PANK1: variants seen among roughly 807,000 people sequenced by gnomAD.
PANK1 encodes pantothenate kinase 1.
A neutral mutation model predicts 40.1 loss-of-function variants in PANK1; 18 were observed. The observed-to-expected ratio is 0.45, with a 90% confidence interval of 0.31 to 0.67. The LOEUF (loss-of-function observed/expected upper bound fraction) is 0.67, where lower values mean the gene tolerates loss of function less well. Among genes scored for constraint, PANK1 ranks in the 30% least tolerant of loss-of-function variants. The pLI is 0.06. For synonymous variants in PANK1, 242 were observed against 237.7 expected, an observed-to-expected ratio of 1.02 and a Z score of -0.17; for missense variants, 457 against 599.6, an observed-to-expected ratio of 0.76 and a Z score of 2.48.
intron 1 of PANK1, among the ~76,000 whole-genome samples, chr10:89,627,410 G>A (rs1336813332): frequency 4.6e-5 from 7 of 152,106 alleles, no homozygotes; most frequent in South Asian, 2.1e-4. Context: ...CAAATACTAC[G>A]CCATTTTATA....
intron 1 of PANK1, chr10:89,644,013 G>T: frequency 2.4e-6 from 1 of 423,896 alleles, no homozygotes; most frequent in Non-Finnish European, 3.9e-6. Flanking sequence ...ATCAGTGGGT[G>T]TGTCCCTCCC....
intron 1 of PANK1, among the ~76,000 whole-genome samples, chr10:89,633,296 A>G (rs1356049976): frequency 6.6e-6 from 1 of 152,174 alleles, no homozygotes; most frequent in South Asian, 2.1e-4. Flanking sequence ...ATCCCAGCCT[A>G]TATCTGTGGT....
intron 1 of PANK1, among the ~76,000 whole-genome samples, chr10:89,620,253 C>A (rs184161244): frequency 6.6e-6 from 1 of 152,138 alleles, no homozygotes; most frequent in South Asian, 2.1e-4. Context: ...AGGGAGATAA[C>A]CGTAAGGCCA....
chr10:89,641,732 AAAATAAATAAAT>A (rs199852567), intron 1 of PANK1, among the ~76,000 whole-genome samples: 23,782 of 143,308 alleles, frequency 0.17, 2,364 homozygotes, highest in Non-Finnish European at 0.23. Flanking sequence ...AATCCGTCTC[AAAATAAATAAAT>A]AAATAAATAA....
Position 89,616,405 on chromosome 10 carries a change from AAT to A in PANK1, c.293-4359_293-4358del, listed in dbSNP as rs1164586578. Among the ~76,000 whole-genome samples, 10 of 152,372 alleles carry A rather than the reference AAT, an allele frequency of 6.6e-5. No individual in the cohort carries two copies. In the South Asian group the frequency reaches 1.4e-3, roughly 22 times the overall value. On this transcript the variant is annotated intron_variant, in intron 1 of 6. Transcript: ENST00000307534. ...TAGATGTTCATCCATATGTAAATAAAATATGACAGATTTATATGATAGAATGC... is the reference window on the plus strand; with the variant it reads ...TAGATGTTCATCCATATGTAAATAAAATGACAGATTTATATGATAGAATGC...
intron 1 of PANK1, among the ~76,000 whole-genome samples, chr10:89,624,172 C>T (rs1014110542): frequency 3.3e-5 from 5 of 152,140 alleles, no homozygotes; most frequent in Admixed American, 2.6e-4. Context: ...GTATTATCAC[C>T]GGAGTCACAT....
intron 3 of PANK1, among the ~76,000 whole-genome samples, chr10:89,598,887 G>C (rs1844691009): frequency 6.6e-6 from 1 of 152,174 alleles, no homozygotes; most frequent in East Asian, 1.9e-4. Context: ...CATCAATGAG[G>C]GTCCAAAAGA....
chr10:89,591,859 C>G (rs563394028), intron 5 of PANK1, among the ~76,000 whole-genome samples: 28 of 152,322 alleles, frequency 1.8e-4, no homozygotes, highest in South Asian at 4.1e-4. Flanking sequence ...ACCTGCTGAC[C>G]TGCTGGCTCA....
chr10:89,582,622 A>AT (rs1417050416), downstream of PANK1: 1 of 152,218 alleles, frequency 6.6e-6, no homozygotes, highest in African/African-American at 2.4e-5. Context: ...TAATATGTAG[A>AT]TTTTTAACTT....
At chr10:89,643,693 T>C in intron 1 of PANK1, 1 of 1,608,754 alleles carries the variant, frequency 6.2e-7, no homozygotes, top group Non-Finnish European at 8.5e-7. Context: ...TTTACTGTAC[T>C]TACTTTGCTT....
intron 1 of PANK1, among the ~76,000 whole-genome samples, chr10:89,635,941 T>C (rs2133028133): frequency 6.6e-6 from 1 of 152,320 alleles, no homozygotes; most frequent in East Asian, 1.9e-4. Context: ...CTCCACATCC[T>C]ACCATCTGGG....
chr10:89,593,463 G>T, intron 4 of PANK1, 143 bp from the exon 5 acceptor site: 1 of 904,420 alleles, frequency 1.1e-6, no homozygotes, highest in Non-Finnish European at 1.7e-6. Context: ...TAAGCAGACA[G>T]AATTATAGTA....
chr10:89,609,415 C>T (rs1040008404), intron 2 of PANK1, among the ~76,000 whole-genome samples: 1 of 152,198 alleles, frequency 6.6e-6, no homozygotes, highest in Non-Finnish European at 1.5e-5. Flanking sequence ...CACTAGAATA[C>T]AAGCTCATGG....
intron 2 of PANK1, among the ~76,000 whole-genome samples, 172 bp downstream of exon 2, chr10:89,611,524 A>G (rs1845151581): frequency 6.6e-6 from 1 of 152,178 alleles, no homozygotes. Context: ...TAACAACCCT[A>G]TGAGGTAGAA....
At chr10:89,608,118 G>A (rs530893793) in intron 2 of PANK1, among the ~76,000 whole-genome samples, 2 of 149,624 alleles carry the variant, frequency 1.3e-5, no homozygotes, top group South Asian at 2.1e-4. Context: ...TGCAAGCTCT[G>A]CCTCCTGGGT....
At chr10:89,635,561 G>A (rs983288438) in intron 1 of PANK1, among the ~76,000 whole-genome samples, 6 of 152,142 alleles carry the variant, frequency 3.9e-5, no homozygotes, top group African/African-American at 1.4e-4. Context: ...TTAAACCACA[G>A]CATTCCACCC....
chr10:89,623,994 G>C (rs1845586313), intron 1 of PANK1, among the ~76,000 whole-genome samples: 1 of 152,256 alleles, frequency 6.6e-6, no homozygotes, highest in South Asian at 2.1e-4. Context: ...CTGTGGGACA[G>C]TGTACTGTCA....
At chr10:89,616,195 C>T (rs1845309102) in intron 1 of PANK1, among the ~76,000 whole-genome samples, 1 of 152,208 alleles carries the variant, frequency 6.6e-6, no homozygotes, top group South Asian at 2.1e-4. Context: ...AAATGGTTTT[C>T]ACTCTGGTGA....
At chr10:89,596,255 CT>C (rs1328261188) in intron 3 of PANK1, among the ~76,000 whole-genome samples, 2 of 152,156 alleles carry the variant, frequency 1.3e-5, no homozygotes, top group African/African-American at 4.8e-5. Context: ...TTCTAAATAT[CT>C]GTCATCCCCA....
Sources: gnomAD v4.1 joint callset for allele counts (sites outside exome capture counted in the v4.1 genomes callset) on GRCh38, gnomAD v4.1.1 for gene constraint, MANE v1.5 for transcripts, NCBI Gene and HGNC (gene_info 2026-07-23, HGNC 2026-07-21) for gene names.